The following GRP variants were observed in gnomAD, a reference collection of about 807,000 sequenced individuals.
The protein encoded by GRP is gastrin releasing peptide.
Under a neutral mutation model 12.7 loss-of-function variants are expected in GRP, and 11 were observed. The ratio of observed to expected loss-of-function variants is 0.87; its 90% CI spans 0.55 to 1.44. The LOEUF is 1.44. Ranked by LOEUF, GRP falls within the 40% of genes most tolerant of loss-of-function variation. The pLI, the probability that GRP is intolerant of heterozygous loss-of-function variation, is 0.00. For synonymous variants in GRP, 84 were observed against 77.7 expected, an observed-to-expected ratio of 1.08 and a Z score of -0.43; for missense variants, 212 against 185.4, an observed-to-expected ratio of 1.14 and a Z score of -0.83.
At chr18:59,222,737 T>C (rs1458505451) in intron 1 of GRP, among the ~76,000 whole-genome samples, 1 of 152,200 alleles carries the variant, frequency 6.6e-6, no homozygotes, top group African/African-American at 2.4e-5. Context: ...ACAGGCTTGG[T>C]AAGTAAATTG....
intron 1 of GRP, 109 bp downstream of exon 1, chr18:59,220,513 C>T: frequency 9.7e-7 from 1 of 1,026,798 alleles, no homozygotes; most frequent in Non-Finnish European, 1.3e-6. Flanking sequence ...GCTTTGGGAG[C>T]TGGGTTTGTT....
chr18:59,225,745 CAT>C lies in GRP; in HGVS notation c.382+13_382+14del, dbSNP rs1355317444. 6.2e-7 allele frequency: 1 copy of C among 1,612,474 alleles called. No individual in the cohort carries two copies. Among genetic ancestry groups the C allele is most frequent in the Admixed American group, 1.7e-5 (1 of 59,854 alleles). ...GTTCAAAAGGCAAAGGTAAAAGAAA[CAT>C]ACATGCAAGATGGGGTGGGAGGTAT... On this transcript the variant is annotated intron_variant, in intron 2 of 2. Transcript: ENST00000256857.
At chr18:59,225,803 A>G in intron 2 of GRP, 69 bp downstream of exon 2, 1 of 1,422,858 alleles carries the variant, frequency 7.0e-7, no homozygotes, top group Admixed American at 1.9e-5. Flanking sequence ...GGCAAGTTCA[A>G]AGGAGGAAGA....
intron 1 of GRP, 90 bp from the exon 2 acceptor site, chr18:59,225,402 C>T: frequency 8.0e-7 from 1 of 1,250,058 alleles, no homozygotes; most frequent in African/African-American, 1.5e-5. Flanking sequence ...AGCACAAACA[C>T]AATTAGCTTT....
Position 59,230,512 on chromosome 18 carries a change from G to T in GRP, c.*44G>T. On this transcript the variant is annotated 3_prime_UTR_variant, in exon 3 of 3. Transcript: ENST00000256857. ...AAAGAGAAAAACAAAACCCCTAAGA[G>T]ACTGCGTTCTGCAAGCATCAGTTCT... 1 of 1,018,628 alleles carries T rather than the reference G, an allele frequency of 9.8e-7. No homozygotes were observed. Among genetic ancestry groups the T allele is most frequent in the South Asian group, 1.3e-5 (1 of 79,242 alleles). The allele number at this position is 1,018,628 out of a possible 1,614,324, so 63.1% of individuals were successfully genotyped here.
rs746684602 is a variant in GRP, at chr18:59,220,287, C to G, written c.22C>G (p.Leu8Val). MRGRELP[L>V]VLLALVLCLA... is the part of the protein sequence containing the mutation. Reference sequence around the variant, plus strand: ...GACCATGCGCGGCCGTGAGCTCCCGCTGGTCCTGCTGGCGCTGGTCCTCTG... The same window carrying G: ...GACCATGCGCGGCCGTGAGCTCCCGGTGGTCCTGCTGGCGCTGGTCCTCTG... The change falls in exon 1 of 3, where the codon CTG (leucine) becomes GTG (valine). Residue 8 changes from leucine to valine, a missense_variant. Leu to Val is a conservative substitution (Grantham distance 32). Coordinates refer to ENST00000256857, the MANE Select transcript of GRP (RefSeq NM_002091.5). 6.6e-7 allele frequency: 1 copy of G among 1,505,458 alleles called. No individual in the cohort carries two copies. The highest frequency in any genetic ancestry group is 8.8e-7 in the Non-Finnish European group (1 of 1,131,760). The allele number at this position is 1,505,458 out of a possible 1,614,324, so 93.3% of individuals were successfully genotyped here.
intron 1 of GRP, among the ~76,000 whole-genome samples, chr18:59,224,957 TA>T (rs1437834381): frequency 6.6e-6 from 1 of 152,208 alleles, no homozygotes; most frequent in African/African-American, 2.4e-5. Context: ...ATTCCTTTGG[TA>T]TTTTTTTTAT....
intron 1 of GRP, among the ~76,000 whole-genome samples, chr18:59,223,399 C>CA (rs2069866403): frequency 6.6e-6 from 1 of 152,220 alleles, no homozygotes; most frequent in Non-Finnish European, 1.5e-5. Flanking sequence ...CTCTCCTTAG[C>CA]AACCAGTCTA....
intron 2 of GRP, 63 bp downstream of exon 2, chr18:59,225,797 A>C: frequency 6.8e-7 from 1 of 1,464,826 alleles, no homozygotes; most frequent in Non-Finnish European, 9.4e-7. Flanking sequence ...AAAGAGGGCA[A>C]GTTCAAAGGA....
chr18:59,220,810 A>G (rs906817508), intron 1 of GRP, among the ~76,000 whole-genome samples: 2 of 152,140 alleles, frequency 1.3e-5, no homozygotes, highest in East Asian at 3.9e-4. Context: ...TGTCCCTTGA[A>G]AGCATCTCAG....
At chr18:59,219,298 G>T (rs1384236331), upstream of GRP, among the ~76,000 whole-genome samples, 1 of 150,788 alleles carries the variant, frequency 6.6e-6, no homozygotes, top group African/African-American at 2.5e-5. Context: ...GCTATCTTCT[G>T]TCTTGCCATA....
At chr18:59,225,457 T>A in intron 1 of GRP, 35 bp from the exon 2 acceptor site, 2 of 1,577,834 alleles carry the variant, frequency 1.3e-6, no homozygotes, top group Non-Finnish European at 1.7e-6. Flanking sequence ...GTTAAATTTG[T>A]GGCATTCTGA....
intron 1 of GRP, among the ~76,000 whole-genome samples, chr18:59,221,690 C>A (rs149962823): frequency 1.3e-5 from 2 of 151,984 alleles, no homozygotes; most frequent in African/African-American, 2.4e-5. Flanking sequence ...ATTCATATAT[C>A]GGCTGATTCA....
chr18:59,227,451 G>A (rs906890498), intron 2 of GRP, among the ~76,000 whole-genome samples: 1 of 152,138 alleles, frequency 6.6e-6, no homozygotes, highest in Non-Finnish European at 1.5e-5. Flanking sequence ...GAACTTGCAG[G>A]TGACTTCTCA....
chr18:59,219,515 AGGGGAGAGGAGGGGAGAGGAGGGGAAG>A, upstream of GRP, among the ~76,000 whole-genome samples: 1 of 29,866 alleles, frequency 3.3e-5, no homozygotes, highest in Non-Finnish European at 6.1e-5. Flanking sequence ...AGGGGAAGGG[AGGGGAGAGGAGGGGAGAGGAGGGGAAG>A]GGAGGGGAGA....
At position 59,230,663 on chromosome 18, in the gene GRP, G is replaced by A. The variant is rs947536692; in HGVS notation, c.*195G>A. ...AACTTGTTTGCTGTGAACAATTGTC[G>A]AAAAGAGTCTTCCAATTAATGCTTT... is the stretch of plus-strand genomic sequence containing the variant. On this transcript the variant is annotated 3_prime_UTR_variant, in exon 3 of 3. Coordinates refer to ENST00000256857, the MANE Select transcript of GRP (RefSeq NM_002091.5). 4.3e-5 allele frequency: 24 copies of A among 559,760 alleles called. No homozygotes were observed. Among genetic ancestry groups the A allele is most frequent in the East Asian group, 2.6e-4 (9 of 34,600 alleles). The allele number at this position is 559,760 out of a possible 1,614,324, so 34.7% of individuals were successfully genotyped here.
chr18:59,229,253 C>T (rs551527236), intron 2 of GRP, among the ~76,000 whole-genome samples: 148 of 152,274 alleles, frequency 9.7e-4, no homozygotes, highest in Non-Finnish European at 1.6e-3. Flanking sequence ...CCATTGCCTC[C>T]CAGTTCCTTG....
Position 59,221,414 on chromosome 18 carries a change from G to T in GRP, c.139+1010G>T, listed in dbSNP as rs549834183. Among the ~76,000 whole-genome samples the T allele has an allele frequency of 9.6e-4, 146 of 152,270 alleles. 2 individuals carry two copies. Among genetic ancestry groups the T allele is most frequent in the Non-Finnish European group, 1.8e-4 (12 of 68,002 alleles). On this transcript the variant is annotated intron_variant, in intron 1 of 2. Coordinates refer to ENST00000256857, the MANE Select transcript of GRP (RefSeq NM_002091.5). ...TCGGCTCACCCAGCATCACCCCAGG[G>T]CTCTCGGCGTCGCCGAGCATAGCTT... is the stretch of plus-strand genomic sequence containing the variant.
intron 1 of GRP, among the ~76,000 whole-genome samples, chr18:59,222,260 T>C (rs2069846963): frequency 6.6e-6 from 1 of 152,224 alleles, no homozygotes; most frequent in South Asian, 2.1e-4. Flanking sequence ...GTCAAGCCAA[T>C]CTTGATTTGC....
Sources: allele counts gnomAD v4.1 joint callset (sites outside exome capture counted in the v4.1 genomes callset), GRCh38; gene constraint gnomAD v4.1.1; transcripts MANE v1.5; gene names NCBI Gene and HGNC (gene_info 2026-07-23, HGNC 2026-07-21).